The following LPP variants were observed in gnomAD, a reference collection of about 807,000 sequenced individuals.
The protein encoded by LPP is LIM domain containing preferred translocation partner in lipoma.
Under a neutral mutation model 60.4 loss-of-function variants are expected in LPP, and 38 were observed. That is an observed-to-expected ratio of 0.63 (90% CI 0.49 to 0.83). The LOEUF is 0.83. Among genes scored for constraint, LPP ranks in the 40% least tolerant of loss-of-function variants. The probability of loss-of-function intolerance (pLI) is 0.00; values close to 1 mark genes in which losing one functional copy is unlikely to be tolerated. For missense variants in LPP, 902 were observed against 783.6 expected (o/e 1.15, Z -1.80); for synonymous variants, 328 against 290.8 (o/e 1.13, Z -1.30).
intron 2 of LPP, among the ~76,000 whole-genome samples, chr3:188,310,897 G>T (rs537259630): frequency 6.6e-6 from 1 of 152,030 alleles, no homozygotes; most frequent in Non-Finnish European, 1.5e-5. Flanking sequence ...TATGTTCCTT[G>T]CCAGAACTTG....
chr3:188,362,171 G>A lies in LPP; in HGVS notation c.-10+20452G>A, dbSNP rs1336669014. On this transcript the variant is annotated intron_variant, in intron 3 of 11. Coordinates refer to ENST00000617246, the MANE Select transcript of LPP (RefSeq NM_001375462.1). The stretch of plus-strand genomic sequence containing the variant: ...GAACAACCCTTTTGAAGACTAAAAG[G>A]ATGTCCGCAAATGAAATTTAGGGTA... 1.3e-5 allele frequency among the ~76,000 whole-genome samples: 2 copies of A among 152,300 alleles called. 1 individual carries two copies. Among genetic ancestry groups the A allele is most frequent in the South Asian group, 4.1e-4 (2 of 4,824 alleles).
intron 1 of LPP, among the ~76,000 whole-genome samples, chr3:188,211,893 T>G (rs899733279): frequency 6.6e-6 from 1 of 152,016 alleles, no homozygotes; most frequent in Non-Finnish European, 1.5e-5. Flanking sequence ...AGTTTCACTC[T>G]TATTGCCCAG....
intron 2 of LPP, among the ~76,000 whole-genome samples, chr3:188,252,316 T>C (rs2149589679): frequency 6.8e-6 from 1 of 147,144 alleles, no homozygotes; most frequent in African/African-American, 2.5e-5. Context: ...CCCTCTCTTC[T>C]TTTCTTCTTC....
chr3:188,723,675 T>C (rs1232717576), intron 8 of LPP, among the ~76,000 whole-genome samples: 1 of 151,918 alleles, frequency 6.6e-6, no homozygotes, highest in Non-Finnish European at 1.5e-5. Context: ...AGAATTTCGA[T>C]GCATAATCCA....
intron 9 of LPP, among the ~76,000 whole-genome samples, chr3:188,844,082 G>T (rs1250138250): frequency 6.6e-6 from 1 of 152,112 alleles, no homozygotes; most frequent in African/African-American, 2.4e-5. Context: ...GATTATGGAT[G>T]GCATACTTTA....
At chr3:188,626,926 T>G (rs1560665970) in intron 7 of LPP, among the ~76,000 whole-genome samples, 1 of 151,476 alleles carries the variant, frequency 6.6e-6, no homozygotes, top group Non-Finnish European at 1.5e-5. Flanking sequence ...AAAATCACAT[T>G]AATAAAAGCT....
chr3:188,387,606 G>A (rs894859127), intron 3 of LPP, among the ~76,000 whole-genome samples: 13 of 145,942 alleles, frequency 8.9e-5, no homozygotes, highest in Non-Finnish European at 1.2e-4. Flanking sequence ...TCACCCTGTC[G>A]CCCATGCTGG....
At chr3:188,175,559 G>T (rs1012034628) in intron 1 of LPP, among the ~76,000 whole-genome samples, 1 of 152,142 alleles carries the variant, frequency 6.6e-6, no homozygotes, top group Non-Finnish European at 1.5e-5. Flanking sequence ...TTTTATACTT[G>T]TAAGGTCGAT....
intron 4 of LPP, among the ~76,000 whole-genome samples, chr3:188,423,056 C>T (rs1304463545): frequency 3.3e-5 from 5 of 151,790 alleles, no homozygotes; most frequent in African/African-American, 7.3e-5. Flanking sequence ...CCCATCAACC[C>T]GTCATCTACA....
chr3:188,688,805 A>T (rs1211406812), intron 7 of LPP: 2 of 528,132 alleles, frequency 3.8e-6, no homozygotes, highest in African/African-American at 3.9e-5. Flanking sequence ...AGGAGCTCAC[A>T]GTCTATTGAG....
At chr3:188,774,748 A>T (rs1352703742) in intron 9 of LPP, among the ~76,000 whole-genome samples, 1 of 152,104 alleles carries the variant, frequency 6.6e-6, no homozygotes, top group African/African-American at 2.4e-5. Context: ...GTGTCCTTAC[A>T]TGGTGTGTGT....
At chr3:188,651,690 C>G (rs1186349779) in intron 7 of LPP, among the ~76,000 whole-genome samples, 1 of 152,126 alleles carries the variant, frequency 6.6e-6, no homozygotes, top group East Asian at 1.9e-4. Context: ...AGGAAAACTC[C>G]CATTTTCAAA....
At chr3:188,533,317 G>A (rs1020260509) in intron 6 of LPP, among the ~76,000 whole-genome samples, 4 of 152,098 alleles carry the variant, frequency 2.6e-5, no homozygotes, top group African/African-American at 9.7e-5. Context: ...TAGGCTACTG[G>A]GAGATGAAAA....
chr3:188,212,155 G>A (rs1419966062), intron 1 of LPP, among the ~76,000 whole-genome samples: 5 of 152,120 alleles, frequency 3.3e-5, no homozygotes, highest in African/African-American at 4.8e-5. Flanking sequence ...CACTGTGCCC[G>A]GCCGAGAGGA....
chr3:188,390,942 T>C (rs535722808), intron 3 of LPP, among the ~76,000 whole-genome samples: 1 of 152,298 alleles, frequency 6.6e-6, no homozygotes, highest in East Asian at 1.9e-4. Context: ...TTTCTAGTTG[T>C]AGGCTGCCAC....
chr3:188,498,053 G>A lies in LPP; in HGVS notation c.306+13349G>A, dbSNP rs1810747854. Among the ~76,000 whole-genome samples, 3 of 152,232 alleles carry A rather than the reference G, an allele frequency of 2.0e-5. No homozygotes were observed. In the South Asian group the frequency reaches 6.2e-4, roughly 32 times the overall value. ...TACTAGGGAAATGGCTGTTGCATGG[G>A]TTTACCACCTCTGATTCTGCAACAA... On this transcript the variant is annotated intron_variant, in intron 5 of 11. Transcript: ENST00000617246.
intron 1 of LPP, among the ~76,000 whole-genome samples, chr3:188,199,815 AG>A (rs1344857749): frequency 6.6e-6 from 1 of 151,882 alleles, no homozygotes; most frequent in Non-Finnish European, 1.5e-5. Flanking sequence ...CCCAGGTTCA[AG>A]ACATTCTCCT....
chr3:188,675,505 G>GA (rs1857846037), intron 7 of LPP, among the ~76,000 whole-genome samples: 1 of 152,212 alleles, frequency 6.6e-6, no homozygotes, highest in Non-Finnish European at 1.5e-5. Context: ...TCTGGATGAT[G>GA]TATGTTTGTA....
intron 2 of LPP, among the ~76,000 whole-genome samples, chr3:188,310,120 T>G (rs1419276776): frequency 2.0e-5 from 3 of 152,002 alleles, no homozygotes; most frequent in Non-Finnish European, 2.9e-5. Context: ...TGAGGATGCA[T>G]CAGCTTTAAG....
Sources: gnomAD v4.1 joint callset for allele counts (sites outside exome capture counted in the v4.1 genomes callset) on GRCh38, gnomAD v4.1.1 for gene constraint, MANE v1.5 for transcripts, NCBI Gene and HGNC (gene_info 2026-07-23, HGNC 2026-07-21) for gene names.